Variants in GRIA1 observed in about 807,000 individuals in gnomAD.
GRIA1 encodes the protein glutamate ionotropic receptor AMPA type subunit 1.
A neutral mutation model predicts 99.2 loss-of-function variants in GRIA1; 31 were observed. The ratio of observed to expected loss-of-function variants is 0.31; its 90% CI spans 0.23 to 0.42. The LOEUF is 0.42. Among genes scored for constraint, GRIA1 ranks in the 10% least tolerant of loss-of-function variants. The pLI, the probability that GRIA1 is intolerant of heterozygous loss-of-function variation, is 1.00. For missense variants in GRIA1, 782 were observed against 1,157.5 expected, an observed-to-expected ratio of 0.68 and a Z score of 4.71; for synonymous variants, 438 against 432.4, an observed-to-expected ratio of 1.01 and a Z score of -0.16.
intron 8 of GRIA1, among the ~76,000 whole-genome samples, chr5:153,692,509 G>A (rs1056988648): frequency 1.3e-5 from 2 of 152,130 alleles, no homozygotes; most frequent in Non-Finnish European, 2.9e-5. Context: ...CTGGAACATA[G>A]CTATGCTCAT....
chr5:153,775,140 T>C (rs1764137903), intron 13 of GRIA1, among the ~76,000 whole-genome samples: 1 of 152,232 alleles, frequency 6.6e-6, no homozygotes. Flanking sequence ...ACTTAATGTA[T>C]CTTGCTAGCC....
At chr5:153,658,752 G>T (rs1166843053) in intron 5 of GRIA1, among the ~76,000 whole-genome samples, 2 of 152,300 alleles carry the variant, frequency 1.3e-5, no homozygotes, top group African/African-American at 4.8e-5. Flanking sequence ...GGCTTTGAAA[G>T]GTTTAACAAA....
intron 2 of GRIA1, among the ~76,000 whole-genome samples, chr5:153,580,166 G>A (rs1762923749): frequency 6.6e-6 from 1 of 152,174 alleles, no homozygotes; most frequent in Admixed American, 6.5e-5. Context: ...AGAAGTCAAG[G>A]TGGTCCCCTC....
At chr5:153,748,941 G>A (rs1293292902) in intron 11 of GRIA1, among the ~76,000 whole-genome samples, 4 of 152,174 alleles carry the variant, frequency 2.6e-5, no homozygotes, top group Non-Finnish European at 4.4e-5. Flanking sequence ...AAATTGGGGA[G>A]TTTTCAGCCT....
intron 2 of GRIA1, among the ~76,000 whole-genome samples, chr5:153,497,258 G>C (rs1282229500): frequency 6.6e-6 from 1 of 152,136 alleles, no homozygotes; most frequent in Non-Finnish European, 1.5e-5. Flanking sequence ...TGGGGAGATT[G>C]TGCATAGAGA....
intron 2 of GRIA1, among the ~76,000 whole-genome samples, chr5:153,631,282 C>T (rs1226451649): frequency 1.3e-5 from 2 of 152,172 alleles, no homozygotes; most frequent in Non-Finnish European, 2.9e-5. Flanking sequence ...CTAAAGACTC[C>T]CACTCATGCC....
chr5:153,525,441 C>G (rs1757503892), intron 2 of GRIA1: 1 of 151,994 alleles, frequency 6.6e-6, no homozygotes, highest in African/African-American at 2.4e-5. Context: ...TTAACTATCC[C>G]CCTCAAAACA....
At chr5:153,490,556 G>A (rs1285159875), upstream of GRIA1, 1 of 401,198 alleles carries the variant, frequency 2.5e-6, no homozygotes, top group Non-Finnish European at 4.6e-6. Flanking sequence ...GTGTGAGGGG[G>A]AGAGCGAGAG....
At chr5:153,600,689 G>A (rs1027803509) in intron 2 of GRIA1, among the ~76,000 whole-genome samples, 5 of 152,162 alleles carry the variant, frequency 3.3e-5, no homozygotes, top group Non-Finnish European at 5.9e-5. Flanking sequence ...GGGCCAAAGG[G>A]AAACTGGGAG....
chr5:153,761,899 G>C (rs1763207392), intron 11 of GRIA1, among the ~76,000 whole-genome samples: 1 of 152,182 alleles, frequency 6.6e-6, no homozygotes, highest in Non-Finnish European at 1.5e-5. Context: ...ATTATGTTAA[G>C]TGAAATAAGC....
chr5:153,586,791 G>C (rs986600794), intron 2 of GRIA1, among the ~76,000 whole-genome samples: 1 of 152,158 alleles, frequency 6.6e-6, no homozygotes, highest in African/African-American at 2.4e-5. Context: ...TCTTGGATAA[G>C]GAAGAGAAAT....
chr5:153,591,028 T>A (rs1454257049), intron 2 of GRIA1, among the ~76,000 whole-genome samples: 2 of 152,214 alleles, frequency 1.3e-5, no homozygotes, highest in Non-Finnish European at 2.9e-5. Flanking sequence ...AAAGATTTAG[T>A]TCCTTCTTGA....
rs955996056 is a variant in GRIA1, at chr5:153,811,322, C to T, written c.*97C>T. 1 of 755,436 alleles carries T rather than the reference C, an allele frequency of 1.3e-6. No homozygotes were observed. The highest frequency in any genetic ancestry group is 1.6e-5 in the South Asian group (1 of 64,348). The allele number at this position is 755,436 out of a possible 1,614,324, so 46.8% of individuals were successfully genotyped here. A position where few individuals can be genotyped will look rare whatever the true frequency, so the allele number is the denominator to read the frequency against. The stretch of plus-strand genomic sequence containing the variant: ...AAAACAACAACAAAATGAAACGCAA[C>T]CACCACCAACCACTGCGACCACAAG... On this transcript the variant is annotated 3_prime_UTR_variant, in exon 16 of 16. Transcript: ENST00000285900.
intron 2 of GRIA1, among the ~76,000 whole-genome samples, chr5:153,509,020 A>G (rs970893396): frequency 1.3e-5 from 2 of 152,224 alleles, no homozygotes; most frequent in East Asian, 1.9e-4. Flanking sequence ...GCTTCTGCTC[A>G]TGTCATGTTC....
At chr5:153,735,545 C>A (rs1296730688) in intron 11 of GRIA1, among the ~76,000 whole-genome samples, 1 of 152,156 alleles carries the variant, frequency 6.6e-6, no homozygotes, top group African/African-American at 2.4e-5. Flanking sequence ...TAGCATTGGG[C>A]TGTCTGCTTG....
chr5:153,567,773 T>A (rs1435654656), intron 2 of GRIA1, among the ~76,000 whole-genome samples: 1 of 152,128 alleles, frequency 6.6e-6, no homozygotes, highest in African/African-American at 2.4e-5. Context: ...ATGCACTTGA[T>A]GTGTTTGAGA....
chr5:153,778,183 G>C (rs1454541797), intron 13 of GRIA1, among the ~76,000 whole-genome samples: 2 of 82,116 alleles, frequency 2.4e-5, no homozygotes, highest in East Asian at 3.6e-3. Context: ...GACAGAGAGA[G>C]AGAGAGAGAG....
chr5:153,510,438 C>A (rs772297383), intron 2 of GRIA1, among the ~76,000 whole-genome samples: 1 of 152,100 alleles, frequency 6.6e-6, no homozygotes, highest in Non-Finnish European at 1.5e-5. Context: ...CATAAGTATC[C>A]TGTAAATCCA....
At chr5:153,520,037 G>C (rs546283966) in intron 2 of GRIA1, among the ~76,000 whole-genome samples, 1 of 152,072 alleles carries the variant, frequency 6.6e-6, no homozygotes, top group Non-Finnish European at 1.5e-5. Flanking sequence ...TGTTAGGTTC[G>C]TAGTAACAAT....
Sources: gnomAD v4.1 joint callset for allele counts (sites outside exome capture counted in the v4.1 genomes callset) on GRCh38, gnomAD v4.1.1 for gene constraint, MANE v1.5 for transcripts, NCBI Gene and HGNC (gene_info 2026-07-23, HGNC 2026-07-21) for gene names.